The following CFAP47 variants were observed in gnomAD, a reference collection of about 807,000 sequenced individuals.
CFAP47 encodes the protein cilia and flagella associated protein 47, also known as cilia- and flagella-associated protein 47.
CFAP47 carries 29 observed loss-of-function variants against 148.1 expected under a neutral mutation model. The observed-to-expected ratio is 0.20, with a 90% CI of 0.15 to 0.27. The LOEUF is 0.27. CFAP47 is among the 10% of genes least tolerant of loss of function. The pLI, the probability that CFAP47 is intolerant of heterozygous loss-of-function variation, is 1.00. For synonymous variants in CFAP47, 664 were observed against 577.3 expected (o/e 1.15, Z -2.15); for missense variants, 1,872 against 1,697.5 (o/e 1.10, Z -1.81).
intron 60 of CFAP47, among the ~76,000 whole-genome samples, chrX:36,357,884 TTTC>T (rs1427571220): frequency 8.9e-6 from 1 of 111,985 alleles, no homozygotes; most frequent in African/African-American, 3.2e-5. Context: ...CAATACTGTT[TTTC>T]TTTGATTAAT....
chrX:36,371,641 CATATGTGTATATATGTGT>C (rs1569329024), intron 62 of CFAP47, among the ~76,000 whole-genome samples: 14 of 71,408 alleles, frequency 2.0e-4, no homozygotes, highest in African/African-American at 6.9e-4. Context: ...TATATACACA[CATATGTGTATATATGTGT>C]GTATATACAC....
chrX:36,317,577 T>A (rs1941445735), intron 56 of CFAP47, among the ~76,000 whole-genome samples: 1 of 95,155 alleles, frequency 1.1e-5, no homozygotes, highest in Non-Finnish European at 2.2e-5. Flanking sequence ...ACCCAGCTAT[T>A]TTTTTTTTTT....
rs1040483006 is a variant in CFAP47, at chrX:36,247,899, A to G, written c.7333-3434A>G. Among the ~76,000 whole-genome samples the G allele has an allele frequency of 3.6e-5, 4 of 111,113 alleles. No homozygotes were observed. The East Asian group carries it at 8.4e-4, about 23-fold the overall frequency. ...AGAAAAGTTCAACTTTAGGCTGCTT[A>G]TATTAGACCCATTTTAAATAAAATG... is the stretch of plus-strand genomic sequence containing the variant. On this transcript the variant is annotated intron_variant, in intron 48 of 63. Transcript: ENST00000378653.
chrX:35,933,430 G>A (rs755225114), intron 2 of CFAP47, among the ~76,000 whole-genome samples: 1 of 111,656 alleles, frequency 9.0e-6, no homozygotes, highest in African/African-American at 3.3e-5. Flanking sequence ...GTACTTCATC[G>A]TGTATATGTA....
At chrX:36,304,965 AG>A (rs201387789) in intron 54 of CFAP47, among the ~76,000 whole-genome samples, 6,648 of 112,237 alleles carry the variant, frequency 0.059, 175 homozygotes, top group Middle Eastern at 0.13. Flanking sequence ...GTTTTTATCA[AG>A]GGACTTCAAA....
At chrX:36,242,113 C>A (rs782052130) in intron 48 of CFAP47, among the ~76,000 whole-genome samples, 5 of 112,423 alleles carry the variant, frequency 4.4e-5, no homozygotes, top group Admixed American at 1.9e-4. Flanking sequence ...AAACCAAGGG[C>A]AAGAATTCAG....
chrX:36,174,529 G>A (rs1346749232), intron 39 of CFAP47, among the ~76,000 whole-genome samples: 1 of 109,356 alleles, frequency 9.1e-6, no homozygotes, highest in Non-Finnish European at 1.9e-5. Flanking sequence ...TTGCTTGTCT[G>A]TAAAGGATTT....
chrX:36,221,616 T>A (rs1940214117), intron 45 of CFAP47, among the ~76,000 whole-genome samples: 1 of 111,402 alleles, frequency 9.0e-6, no homozygotes, highest in Admixed American at 9.6e-5. Context: ...AGCTTTATAC[T>A]GTTTATAAAA....
chrX:36,176,883 G>A (rs1300973173), intron 39 of CFAP47, among the ~76,000 whole-genome samples: 2 of 112,015 alleles, frequency 1.8e-5, no homozygotes, highest in African/African-American at 3.2e-5. Context: ...CAGCCTGGGC[G>A]ACAGAGTGAG....
At chrX:35,977,671 G>T (rs7886421) in intron 15 of CFAP47, among the ~76,000 whole-genome samples, 8,849 of 111,299 alleles carry the variant, frequency 0.08, 885 homozygotes, top group African/African-American at 0.27. Context: ...TTTCAGACGA[G>T]TCCTGGTTTG....
chrX:36,028,400 G>A (rs1047997272), intron 22 of CFAP47, among the ~76,000 whole-genome samples: 5 of 110,815 alleles, frequency 4.5e-5, no homozygotes, highest in South Asian at 3.7e-4. Flanking sequence ...CTAATTCTGC[G>A]AAAAATGACA....
At chrX:36,232,060 T>C (rs1275312215) in intron 46 of CFAP47, among the ~76,000 whole-genome samples, 2 of 111,440 alleles carry the variant, frequency 1.8e-5, no homozygotes, top group Non-Finnish European at 3.8e-5. Context: ...TCAAGGATAT[T>C]GGTCTAAAAT....
intron 57 of CFAP47, among the ~76,000 whole-genome samples, chrX:36,332,203 T>C (rs782613839): frequency 1.2e-4 from 13 of 111,743 alleles, no homozygotes; most frequent in Non-Finnish European, 2.4e-4. Flanking sequence ...ACAAAATATA[T>C]TGGATAAGAA....
chrX:35,979,089 T>C (rs1285331884), intron 15 of CFAP47, among the ~76,000 whole-genome samples: 2 of 111,609 alleles, frequency 1.8e-5, no homozygotes, highest in African/African-American at 6.5e-5. Context: ...GCGATTCTCC[T>C]GCCTCAATCC....
At chrX:36,328,769 C>T (rs1488969837) in intron 57 of CFAP47, among the ~76,000 whole-genome samples, 3 of 100,017 alleles carry the variant, frequency 3.0e-5, no homozygotes, top group Non-Finnish European at 6.0e-5. Flanking sequence ...GAGATTGCGC[C>T]ACTGCAGTCC....
chrX:36,310,725 A>G, intron 55 of CFAP47, 108 bp from the exon 56 acceptor site: 1 of 393,285 alleles, frequency 2.5e-6, no homozygotes, highest in East Asian at 4.8e-5. Context: ...TTAACAACAA[A>G]ACTTTTCTTA....
At chrX:36,067,207 T>C (rs1388241668) in intron 27 of CFAP47, among the ~76,000 whole-genome samples, 1 of 111,439 alleles carries the variant, frequency 9.0e-6, no homozygotes, top group Non-Finnish European at 1.9e-5. Flanking sequence ...TCAGCTACAA[T>C]CCATGGGCTA....
intron 49 of CFAP47, among the ~76,000 whole-genome samples, chrX:36,272,418 C>G (rs1940969782): frequency 9.0e-6 from 1 of 111,035 alleles, no homozygotes; most frequent in Admixed American, 9.6e-5. Flanking sequence ...GTAAGTTATC[C>G]AGAGCTTCAG....
chrX:36,384,691 A>G (rs1029570867), intron 63 of CFAP47, 106 bp from the exon 64 acceptor site: 4 of 537,149 alleles, frequency 7.4e-6, no homozygotes, highest in Non-Finnish European at 1.2e-5. Context: ...TACCTTTTCC[A>G]TACTCTACAT....
Sources: gnomAD v4.1 joint callset for allele counts (sites outside exome capture counted in the v4.1 genomes callset) on GRCh38, gnomAD v4.1.1 for gene constraint, MANE v1.5 for transcripts, NCBI Gene and HGNC (gene_info 2026-07-23, HGNC 2026-07-21) for gene names.